CLSTN2: variants seen among roughly 807,000 people sequenced by gnomAD.
CLSTN2 encodes calsyntenin 2, also known as calsyntenin-2.
A neutral mutation model predicts 101.2 loss-of-function variants in CLSTN2; 48 were observed. That is an observed-to-expected ratio of 0.47 (90% confidence interval 0.38 to 0.60). The LOEUF is 0.60. Ranked by LOEUF, CLSTN2 falls within the 20% of genes least tolerant of loss-of-function variation. The pLI, the probability that CLSTN2 is intolerant of heterozygous loss-of-function variation, is 0.00. For missense variants in CLSTN2, 1,160 were observed against 1,238.2 expected, an observed-to-expected ratio of 0.94 and a Z score of 0.95; for synonymous variants, 481 against 463.6, an observed-to-expected ratio of 1.04 and a Z score of -0.48.
intron 4 of CLSTN2, among the ~76,000 whole-genome samples, chr3:140,412,525 C>T (rs1302109416): frequency 1.3e-5 from 2 of 152,134 alleles, no homozygotes; most frequent in African/African-American, 4.8e-5. Flanking sequence ...TTGAATTAGC[C>T]ACACAGAGAA....
At chr3:140,048,109 G>C (rs1321317598) in intron 1 of CLSTN2, among the ~76,000 whole-genome samples, 2 of 152,184 alleles carry the variant, frequency 1.3e-5, no homozygotes, top group Non-Finnish European at 2.9e-5. Flanking sequence ...GCTGAAAATT[G>C]TGATCAAAAT....
intron 2 of CLSTN2, among the ~76,000 whole-genome samples, chr3:140,180,612 G>A (rs902925623): frequency 1.3e-5 from 2 of 152,200 alleles, no homozygotes; most frequent in Non-Finnish European, 2.9e-5. Context: ...GGAAACTGTG[G>A]AGACTTTTAA....
intron 1 of CLSTN2, among the ~76,000 whole-genome samples, chr3:140,095,490 A>C (rs1333587148): frequency 3.3e-5 from 5 of 152,242 alleles, no homozygotes; most frequent in Non-Finnish European, 5.9e-5. Context: ...AGGAAAGCTC[A>C]GTGCCATTAG....
intron 2 of CLSTN2, among the ~76,000 whole-genome samples, chr3:140,218,423 G>A (rs527651382): frequency 1.2e-3 from 185 of 152,166 alleles, no homozygotes; most frequent in African/African-American, 4.3e-3. Flanking sequence ...TACTTCTTGA[G>A]CTGAAAAGAT....
At chr3:139,945,746 C>T (rs1047255948) in intron 1 of CLSTN2, among the ~76,000 whole-genome samples, 1 of 152,178 alleles carries the variant, frequency 6.6e-6, no homozygotes, top group African/African-American at 2.4e-5. Context: ...AAATGTTAAT[C>T]TAATGCATGT....
intron 1 of CLSTN2, among the ~76,000 whole-genome samples, chr3:139,987,338 A>G (rs1482784242): frequency 1.3e-5 from 2 of 152,250 alleles, no homozygotes; most frequent in Non-Finnish European, 2.9e-5. Flanking sequence ...AGGAAGGAAT[A>G]TTAGAAATGG....
intron 8 of CLSTN2, among the ~76,000 whole-genome samples, chr3:140,494,833 T>G (rs1368402318): frequency 6.6e-6 from 1 of 152,254 alleles, no homozygotes; most frequent in Non-Finnish European, 1.5e-5. Context: ...ATGGTGTATA[T>G]GTACCACATT....
In CLSTN2 at chr3:140,541,722, G is replaced by A. The variant is rs573305859; in HGVS notation, c.1508-4793G>A. On this transcript the variant is annotated intron_variant, in intron 9 of 16. Coordinates refer to ENST00000458420, the MANE Select transcript of CLSTN2 (RefSeq NM_022131.3). The stretch of plus-strand genomic sequence containing the variant: ...TTCAGATGTCTCTGCTCTGCACCTC[G>A]GATGTCTTCGCCCCTTCCCTGCCAC... Among the ~76,000 whole-genome samples, 6 of 152,238 alleles carry A rather than the reference G, an allele frequency of 3.9e-5. No individual in the cohort carries two copies. In the East Asian group the frequency reaches 5.8e-4, roughly 15 times the overall value.
At chr3:140,305,403 T>G (rs2087103781) in intron 2 of CLSTN2, among the ~76,000 whole-genome samples, 1 of 152,138 alleles carries the variant, frequency 6.6e-6, no homozygotes, top group South Asian at 2.1e-4. Flanking sequence ...TTGCTGTGTG[T>G]ATAGTGTGGT....
intron 8 of CLSTN2, among the ~76,000 whole-genome samples, chr3:140,489,194 C>T (rs778171519): frequency 1.3e-4 from 20 of 151,902 alleles, no homozygotes; most frequent in African/African-American, 4.6e-4. Context: ...GGAGGAGAAT[C>T]GTGGTTGACA....
intron 1 of CLSTN2, among the ~76,000 whole-genome samples, chr3:139,957,134 G>A (rs979584443): frequency 6.6e-6 from 1 of 152,214 alleles, no homozygotes; most frequent in Non-Finnish European, 1.5e-5. Flanking sequence ...ATTGGCAGAG[G>A]TGATGACAGC....
At chr3:139,945,686 T>C (rs1935203909) in intron 1 of CLSTN2, among the ~76,000 whole-genome samples, 1 of 152,206 alleles carries the variant, frequency 6.6e-6, no homozygotes, top group Non-Finnish European at 1.5e-5. Flanking sequence ...GATGTGTTGT[T>C]TTCCAATTTG....
At chr3:140,527,813 A>G (rs933853290) in intron 8 of CLSTN2, among the ~76,000 whole-genome samples, 3 of 152,202 alleles carry the variant, frequency 2.0e-5, no homozygotes, top group African/African-American at 7.2e-5. Context: ...AAATTAACAC[A>G]AAAAAAGAAA....
chr3:139,993,458 G>A (rs1936150368), intron 1 of CLSTN2, among the ~76,000 whole-genome samples: 2 of 152,160 alleles, frequency 1.3e-5, no homozygotes, highest in African/African-American at 4.8e-5. Flanking sequence ...AGGAAGAGGA[G>A]GGGTGAACAA....
intron 8 of CLSTN2, chr3:140,506,768 A>C (rs1289753279): frequency 6.6e-6 from 1 of 152,190 alleles, no homozygotes; most frequent in African/African-American, 2.4e-5. Flanking sequence ...CAAGCACTTG[A>C]AATGTGGCTA....
At chr3:140,507,251 A>G (rs1251798039) in intron 8 of CLSTN2, 1 of 152,238 alleles carries the variant, frequency 6.6e-6, no homozygotes, top group African/African-American at 2.4e-5. Context: ...TAACTCAATC[A>G]TCACAACCCC....
intron 16 of CLSTN2, among the ~76,000 whole-genome samples, chr3:140,564,486 C>G (rs1388291081): frequency 1.3e-5 from 2 of 152,218 alleles, no homozygotes; most frequent in Non-Finnish European, 1.5e-5. Context: ...CACTTAGGGA[C>G]TCAGTATTGA....
chr3:140,042,814 G>A (rs12485438), intron 1 of CLSTN2, among the ~76,000 whole-genome samples: 97,478 of 151,996 alleles, frequency 0.64, 32,941 homozygotes, highest in South Asian at 0.82. Context: ...GAGAATGATG[G>A]TTTGCAGCTT....
intron 1 of CLSTN2, among the ~76,000 whole-genome samples, chr3:140,110,696 A>C (rs1321744873): frequency 6.6e-6 from 1 of 151,730 alleles, no homozygotes; most frequent in African/African-American, 2.4e-5. Flanking sequence ...TTGATGCCTC[A>C]CAGGCACACA....
Sources: allele counts gnomAD v4.1 joint callset (sites outside exome capture counted in the v4.1 genomes callset), GRCh38; gene constraint gnomAD v4.1.1; transcripts MANE v1.5; gene names NCBI Gene and HGNC (gene_info 2026-07-23, HGNC 2026-07-21).